Variants in RCC2 observed in about 807,000 individuals in gnomAD.
RCC2 encodes protein RCC2.
Under a neutral mutation model 64.1 loss-of-function variants are expected in RCC2, and 19 were observed. That is an observed-to-expected ratio of 0.30 (90% CI 0.21 to 0.44). The LOEUF (loss-of-function observed/expected upper bound fraction) is 0.44. Ranked by LOEUF, RCC2 falls within the 20% of genes least tolerant of loss-of-function variation. The pLI is 1.00. For missense variants in RCC2, 508 were observed against 710.4 expected, an observed-to-expected ratio of 0.72 and a Z score of 3.24; for synonymous variants, 325 against 279.6, an observed-to-expected ratio of 1.16 and a Z score of -1.62.
At chr1:17,413,853 C>A in intron 8 of RCC2, 136 bp from the exon 9 acceptor site, 2 of 807,474 alleles carry the variant, frequency 2.5e-6, no homozygotes, top group Non-Finnish European at 2.0e-6. Flanking sequence ...CCCCTACCAG[C>A]CGGGCACGGT....
Position 17,416,549 on chromosome 1 carries a change from C to T in RCC2, c.957G>A (p.Thr319=), listed in dbSNP as rs11588635. The T allele has an allele frequency of 4.9e-4, 798 of 1,614,018 alleles. 4 individuals are homozygous for T. The African/African-American group carries it at 8.6e-3, about 17-fold the overall frequency. Residue 319 remains threonine (T), a synonymous_variant, in exon 8 of 13, where the codon ACG becomes ACA. Coordinates refer to ENST00000375436, the MANE Select transcript of RCC2 (RefSeq NM_018715.4). ...PRRVAIFIEK[T]KDGQILPVPN... is the part of the protein sequence containing the mutation. ...GTACAGGCAGAATCTGTCCATCTTT[C>T]GTCTTCTCAATGAAGATGGCCACTC...
chr1:17,415,439 G>A (rs1260953973), intron 8 of RCC2, among the ~76,000 whole-genome samples: 1 of 152,172 alleles, frequency 6.6e-6, no homozygotes, highest in African/African-American at 2.4e-5. Flanking sequence ...ACAGCCGGGC[G>A]CGGTGGCTCA....
intron 4 of RCC2, 73 bp from the exon 5 acceptor site, chr1:17,422,909 C>T: frequency 6.4e-7 from 1 of 1,566,110 alleles, no homozygotes; most frequent in Non-Finnish European, 8.8e-7. Context: ...AAGGCGAGTA[C>T]AAACACACTC....
At chr1:17,435,843 G>A (rs1315992563) in intron 2 of RCC2, among the ~76,000 whole-genome samples, 6 of 151,634 alleles carry the variant, frequency 4.0e-5, no homozygotes, top group African/African-American at 7.3e-5. Context: ...GCTTGAACCC[G>A]GGAGGCGGAG....
chr1:17,437,608 G>C (rs930806026), intron 2 of RCC2, among the ~76,000 whole-genome samples: 1 of 152,128 alleles, frequency 6.6e-6, no homozygotes, highest in East Asian at 1.9e-4. Flanking sequence ...GACCACCGGC[G>C]GCAAACAAAG....
intron 11 of RCC2, among the ~76,000 whole-genome samples, chr1:17,411,765 C>A (rs1468771879): frequency 6.6e-6 from 1 of 152,164 alleles, no homozygotes; most frequent in African/African-American, 2.4e-5. Context: ...GTCCTCAAAT[C>A]ACCCACAACT....
chr1:17,416,090 C>CG (rs71575838), intron 8 of RCC2, among the ~76,000 whole-genome samples: 3 of 18,410 alleles, frequency 1.6e-4, no homozygotes, highest in Non-Finnish European at 2.4e-4. Flanking sequence ...GGGGGGGGGG[C>CG]GGGGGGGACA....
chr1:17,429,837 A>T (rs977082447), intron 2 of RCC2, among the ~76,000 whole-genome samples: 3 of 152,196 alleles, frequency 2.0e-5, no homozygotes, highest in African/African-American at 7.2e-5. Context: ...ATGGTGAGTG[A>T]AACAGGACCT....
chr1:17,422,407 G>GT, intron 5 of RCC2, 116 bp from the exon 6 acceptor site: 1 of 957,998 alleles, frequency 1.0e-6, no homozygotes, highest in East Asian at 2.6e-5. Context: ...CAGAAGGCAA[G>GT]TGAGACTGCC....
intron 11 of RCC2, 33 bp downstream of exon 11, chr1:17,412,089 C>T: frequency 1.2e-6 from 2 of 1,609,212 alleles, no homozygotes; most frequent in Non-Finnish European, 1.7e-6. Context: ...GACTGGCTTC[C>T]ACTTCCCCTG....
In RCC2 at chr1:17,436,364, T is replaced by C. The variant is rs115602568; in HGVS notation, c.285+1866A>G. On this transcript the variant is annotated intron_variant, in intron 2 of 12. Transcript: ENST00000375436. ...ACAAAAAGTACAAAAATTATTCGGG[T>C]GTGGTGGAACACACTTGTAATCCCA... Among the ~76,000 whole-genome samples the C allele has an allele frequency of 2.0e-3, 300 of 152,250 alleles. 2 individuals carry two copies. Among genetic ancestry groups the C allele is most frequent in the African/African-American group, 6.7e-3 (278 of 41,540 alleles).
chr1:17,412,529 G>C (rs914351088), intron 10 of RCC2, among the ~76,000 whole-genome samples: 7 of 152,196 alleles, frequency 4.6e-5, no homozygotes, highest in African/African-American at 7.2e-5. Context: ...TGTTCCAGAG[G>C]GAGCAGCCTT....
intron 3 of RCC2, among the ~76,000 whole-genome samples, chr1:17,426,759 CTTTTTTTTTTTTTTT>C (rs146347066): frequency 9.1e-6 from 1 of 110,000 alleles, no homozygotes. Flanking sequence ...TCTTACTTTT[CTTTTTTTTTTTTTTT>C]TTTTTTTTTT....
intron 4 of RCC2, among the ~76,000 whole-genome samples, chr1:17,425,157 AC>A (rs1199162733): frequency 1.3e-5 from 2 of 152,288 alleles, no homozygotes; most frequent in East Asian, 3.9e-4. Flanking sequence ...AGTGGCAGCA[AC>A]AGAGGTCTCA....
intron 4 of RCC2, among the ~76,000 whole-genome samples, chr1:17,425,024 C>T (rs1296907677): frequency 2.6e-5 from 4 of 152,156 alleles, no homozygotes; most frequent in Admixed American, 6.5e-5. Flanking sequence ...GCAGACAACA[C>T]GGACAGTGAG....
intron 7 of RCC2, among the ~76,000 whole-genome samples, chr1:17,418,354 C>A (rs893051104): frequency 2.4e-4 from 36 of 152,066 alleles, no homozygotes; most frequent in East Asian, 7.8e-4. Context: ...GAACATCTGT[C>A]CGTTTAAAAG....
intron 1 of RCC2, 31 bp from the exon 2 acceptor site, chr1:17,438,553 A>G (rs758853036): frequency 5.4e-6 from 7 of 1,299,052 alleles, no homozygotes; most frequent in Admixed American, 3.1e-5. Context: ...GCGGCGCACA[A>G]TGGACGGGTT....
At position 17,438,454 on chromosome 1, in the gene RCC2, C is replaced by A; in HGVS notation, c.61G>T (p.Ala21Ser). 3 of 1,310,264 alleles carry A rather than the reference C, an allele frequency of 2.3e-6. No homozygotes were observed. The highest frequency in any genetic ancestry group is 1.9e-6 in the Non-Finnish European group (2 of 1,033,534). The allele number at this position is 1,310,264 out of a possible 1,614,324, so 81.2% of individuals were successfully genotyped here. ...CCGCGTTTCCTGGGCCCGGCGCGGG[C>A]AGTGCCGTTGCCCGAGCTCGGCTCC... ...WEEPSSGNGT[A>S]RAGPRKRGGP... Residue 21 changes from alanine to serine, a missense_variant, in exon 2 of 13, where the codon GCC becomes TCC. By Grantham distance (99) the Ala-to-Ser change is moderately conservative (BLOSUM62 1). Coordinates refer to ENST00000375436, the MANE Select transcript of RCC2 (RefSeq NM_018715.4).
chr1:17,416,689 C>G, intron 7 of RCC2, 43 bp from the exon 8 acceptor site: 1 of 1,578,872 alleles, frequency 6.3e-7, no homozygotes, highest in African/African-American at 1.3e-5. Context: ...AGCACAAGCA[C>G]AAGGGACGTG....
Sources: gnomAD v4.1 joint callset for allele counts (sites outside exome capture counted in the v4.1 genomes callset) on GRCh38, gnomAD v4.1.1 for gene constraint, MANE v1.5 for transcripts, NCBI Gene and HGNC (gene_info 2026-07-23, HGNC 2026-07-21) for gene names.